Variants in ZNF75A observed in about 807,000 individuals in gnomAD.
ZNF75A encodes the protein zinc finger protein 75A.
In ZNF75A, 36 loss-of-function variants were observed where a neutral mutation model predicts 46.3. The observed-to-expected ratio is 0.78, with a 90% CI of 0.60 to 1.03. The LOEUF (loss-of-function observed/expected upper bound fraction) is 1.03. Among genes scored for constraint, ZNF75A ranks in the 50% least tolerant of loss-of-function variants. The pLI, the probability that ZNF75A is intolerant of heterozygous loss-of-function variation, is 0.00. For missense variants in ZNF75A, 595 were observed against 551.3 expected (o/e 1.08, Z -0.79); for synonymous variants, 234 against 189.9 (o/e 1.23, Z -1.91).
downstream of ZNF75A, among the ~76,000 whole-genome samples, chr16:3,320,296 G>A (rs554324232): frequency 5.3e-5 from 8 of 152,246 alleles, no homozygotes; most frequent in East Asian, 5.8e-4. Flanking sequence ...CACCCGCCTC[G>A]GCCTCCCAAA....
chr16:3,317,467 T>C lies in ZNF75A; in HGVS notation c.1212T>C (p.Cys404=), dbSNP rs1961306392. The change falls in exon 7 of 7, where the codon TGT becomes TGC. Residue 404 remains cysteine, a synonymous_variant. Transcript: ENST00000669516. ...GTGCAAGAGAGAAGCCTTTTAAATG[T>C]CAGGAATGTGGGAAAACCTTCAGAG... ...KDCAREKPFK[C]QECGKTFRVS... The C allele has an allele frequency of 1.9e-6, 3 of 1,613,920 alleles. No homozygotes were observed. The highest frequency in any genetic ancestry group is 2.5e-6 in the Non-Finnish European group (3 of 1,179,974).
chr16:3,308,754 A>G lies in ZNF75A; in HGVS notation c.326A>G (p.Gln109Arg). Reference protein sequence around the residue: ...ILPRETQTQMQKHHPQSIEEA... With the variant: ...ILPRETQTQMRKHHPQSIEEA... ...CCCAGGGAGACACAGACCCAGATGCAGAAGCACCATCCACAGAGCATTGAG... is the reference window on the plus strand; with the variant it reads ...CCCAGGGAGACACAGACCCAGATGCGGAAGCACCATCCACAGAGCATTGAG... Residue 109 changes from glutamine (Q) to arginine (R), a missense_variant, in exon 2 of 7, where the codon CAG (glutamine) becomes CGG (arginine). Gln to Arg is a conservative substitution (Grantham distance 43, BLOSUM62 1). Coordinates refer to ENST00000669516, the MANE Select transcript of ZNF75A (RefSeq NM_001302109.2). 4 of 988,406 alleles carry G rather than the reference A, an allele frequency of 4.0e-6. No homozygotes were observed. The South Asian group carries it at 1.4e-4, about 34-fold the overall frequency. 61.2% of individuals were successfully genotyped at this position (988,406 alleles called of 1,614,324 possible).
chr16:3,320,822 T>C (rs577486016), downstream of ZNF75A, among the ~76,000 whole-genome samples: 61 of 152,250 alleles, frequency 4.0e-4, no homozygotes, highest in African/African-American at 1.4e-3. Flanking sequence ...ACAGATGAGA[T>C]ATAGGGCAAA....
chr16:3,317,427 G>A lies in ZNF75A; in HGVS notation c.1172G>A (p.Arg391His), dbSNP rs774984553. The change falls in exon 7 of 7, where the codon CGT (arginine) becomes CAT (histidine). Residue 391 changes from arginine to histidine, a missense_variant. Arg to His is a conservative substitution (Grantham distance 29). Coordinates refer to ENST00000669516, the MANE Select transcript of ZNF75A (RefSeq NM_001302109.2). ...WKQELLKLMD[R>H]HKKDCAREKP... ...CAAGAGCTGCTCAAACTTATGGATC[G>A]TCACAAGAAAGATTGTGCAAGAGAG... 26 of 1,613,988 alleles carry A rather than the reference G, an allele frequency of 1.6e-5. No individual in the cohort carries two copies. The highest frequency in any genetic ancestry group is 4.5e-5 in the East Asian group (2 of 44,886).
Position 3,318,155 on chromosome 16 carries a change from C to G in ZNF75A, c.*286C>G, listed in dbSNP as rs1322140886. On this transcript the variant is annotated 3_prime_UTR_variant, in exon 7 of 7. Coordinates refer to ENST00000669516, the MANE Select transcript of ZNF75A (RefSeq NM_001302109.2). ...GGTCTTCCAAAACAAAAAGCAGTAA[C>G]ATGCATGTTTAATTGCATACCATTC... The G allele has an allele frequency of 6.9e-6, 8 of 1,153,794 alleles. No homozygotes were observed. The highest frequency in any genetic ancestry group is 8.5e-6 in the Non-Finnish European group (8 of 937,908). The allele number at this position is 1,153,794 out of a possible 1,614,324, so 71.5% of individuals were successfully genotyped here. A position where few individuals can be genotyped will look rare whatever the true frequency, so the allele number is the denominator to read the frequency against.
Position 3,317,616 on chromosome 16 carries a change from G to T in ZNF75A, c.1361G>T (p.Gly454Val), listed in dbSNP as rs1273164012. 2 of 1,614,082 alleles carry T rather than the reference G, an allele frequency of 1.2e-6. No individual in the cohort carries two copies. The highest frequency in any genetic ancestry group is 2.2e-5 in the South Asian group (2 of 91,078). The change falls in exon 7 of 7, where the codon GGA becomes GTA. Residue 454 changes from glycine to valine, a missense_variant. Coordinates refer to ENST00000669516, the MANE Select transcript of ZNF75A (RefSeq NM_001302109.2). ...DLNKHLTTHQ[G>V]IKPYKCSWCG... ...AATAAGCACTTAACAACACACCAAG[G>T]AATAAAACCATATAAATGTTCATGG... is the stretch of plus-strand genomic sequence containing the variant.
intron 2 of ZNF75A, 64 bp from the exon 3 acceptor site, chr16:3,311,689 T>A: frequency 1.1e-6 from 1 of 930,798 alleles, no homozygotes; most frequent in Non-Finnish European, 1.3e-6. Flanking sequence ...CACCTGTCGC[T>A]CTGCCTCCAC....
chr16:3,305,566 G>C lies in ZNF75A; in HGVS notation c.-194G>C, dbSNP rs1473221730. On this transcript the variant is annotated 5_prime_UTR_variant, in exon 1 of 7. Coordinates refer to ENST00000669516, the MANE Select transcript of ZNF75A (RefSeq NM_001302109.2). The stretch of plus-strand genomic sequence containing the variant: ...GGCTGGCGGTTGCGCTCCTCAGATC[G>C]GCGGCCTTTCGGGCGGTGGCTTGCG... 1 of 152,298 alleles carries C rather than the reference G, an allele frequency of 6.6e-6. No individual in the cohort carries two copies. Among genetic ancestry groups the C allele is most frequent in the Non-Finnish European group, 1.5e-5 (1 of 68,096 alleles). The allele number at this position is 152,298 out of a possible 1,614,324, so 9.4% of individuals were successfully genotyped here. A position where few individuals can be genotyped will look rare whatever the true frequency, so the allele number is the denominator to read the frequency against.
rs1034127723 is a variant in ZNF75A, at chr16:3,318,421, C to G, written c.*552C>G. On this transcript the variant is annotated 3_prime_UTR_variant, in exon 7 of 7. Coordinates refer to ENST00000669516, the MANE Select transcript of ZNF75A (RefSeq NM_001302109.2). The stretch of plus-strand genomic sequence containing the variant: ...CACCACTAGGGAATCTCCAGATGAA[C>G]TATTAATGCACTGTCTTATGCCTCT... The G allele has an allele frequency of 2.0e-6, 2 of 986,386 alleles. No homozygotes were observed. The highest frequency in any genetic ancestry group is 2.4e-6 in the Non-Finnish European group (2 of 830,810). 61.1% of individuals were successfully genotyped at this position (986,386 alleles called of 1,614,324 possible). A position where few individuals can be genotyped will look rare whatever the true frequency, so the allele number is the denominator to read the frequency against.
rs369114589 is a variant in ZNF75A, at chr16:3,317,295, T to A, written c.1040T>A (p.Val347Asp). Reference protein sequence around the residue: ...GVISKKAKVKVPQKTAGKENH... With the variant: ...GVISKKAKVKDPQKTAGKENH... The stretch of plus-strand genomic sequence containing the variant: ...ATATCAAAAAAGGCCAAAGTAAAAG[T>A]TCCCCAGAAAACAGCAGGCAAAGAA... The change falls in exon 7 of 7, where the codon GTT becomes GAT. Residue 347 changes from valine (V) to aspartate (D), a missense_variant. Val to Asp is a radical substitution (Grantham distance 152). Transcript: ENST00000669516. The A allele has an allele frequency of 1.3e-5, 21 of 1,613,838 alleles. No individual in the cohort carries two copies. The highest frequency in any genetic ancestry group is 1.8e-5 in the Non-Finnish European group (21 of 1,180,004).
intron 2 of ZNF75A, chr16:3,310,989 T>A (rs1192226153): frequency 1.0e-6 from 1 of 981,764 alleles, no homozygotes; most frequent in African/African-American, 1.7e-5. Context: ...TCTATCCCCA[T>A]TCTCTGAAAA....
Position 3,308,729 on chromosome 16 carries a change from C to T in ZNF75A, c.301C>T (p.Pro101Ser), listed in dbSNP as rs949834034. The part of the protein sequence containing the change: ...LVLEQFLTIL[P>S]RETQTQMQKH... ...GCTGGAGCAGTTCCTGACTATTCTG[C>T]CCAGGGAGACACAGACCCAGATGCA... The change falls in exon 2 of 7, where the codon CCC becomes TCC. Residue 101 changes from proline (P) to serine (S), a missense_variant. Physicochemically the swap from Pro to Ser is moderately conservative, Grantham distance 74. Coordinates refer to ENST00000669516, the MANE Select transcript of ZNF75A (RefSeq NM_001302109.2). 1.0e-6 allele frequency: 1 copy of T among 991,288 alleles called. No homozygotes were observed. The highest frequency in any genetic ancestry group is 1.2e-6 in the Non-Finnish European group (1 of 832,452). 61.4% of individuals were successfully genotyped at this position (991,288 alleles called of 1,614,324 possible).
rs145437458 is a variant in ZNF75A, at chr16:3,310,958, C to T, written c.409-795C>T. On this transcript the variant is annotated intron_variant, in intron 2 of 6. Coordinates refer to ENST00000669516, the MANE Select transcript of ZNF75A (RefSeq NM_001302109.2). ...AGAATCATCTGGAGGTAGGTTGGAGCCACTCCCCTTTTTTCTCCATTCTAT... is the reference window on the plus strand; with the variant it reads ...AGAATCATCTGGAGGTAGGTTGGAGTCACTCCCCTTTTTTCTCCATTCTAT... 3,726 of 985,290 alleles carry T rather than the reference C, an allele frequency of 3.8e-3. 113 individuals are homozygous for T. In the African/African-American group the frequency reaches 0.061, roughly 16 times the overall value. The allele number at this position is 985,290 out of a possible 1,614,324, so 61.0% of individuals were successfully genotyped here.
chr16:3,309,169 C>A (rs957331918), intron 2 of ZNF75A: 3 of 152,164 alleles, frequency 2.0e-5, no homozygotes, highest in African/African-American at 7.3e-5. Context: ...AATAAAGAGT[C>A]AGGGAGGCTG....
In ZNF75A at chr16:3,317,839, C is replaced by A; in HGVS notation, c.1584C>A (p.Ser528Arg). The A allele has an allele frequency of 6.2e-7, 1 of 1,610,766 alleles. No homozygotes were observed. Among genetic ancestry groups the A allele is most frequent in the Non-Finnish European group, 8.5e-7 (1 of 1,178,000 alleles). Reference sequence around the variant, plus strand: ...GGAGAAACTTCAGCAGGCGGTCAAGCCTTCTTAGACACCAGAAACTCCACC... The same window carrying A: ...GGAGAAACTTCAGCAGGCGGTCAAGACTTCTTAGACACCAGAAACTCCACC... ...ICRRNFSRRS[S>R]LLRHQKLHL The change falls in exon 7 of 7, where the codon AGC becomes AGA. Residue 528 changes from serine (S) to arginine (R), a missense_variant. Ser to Arg is a moderately radical substitution (Grantham distance 110). Transcript: ENST00000669516.
intron 5 of ZNF75A, among the ~76,000 whole-genome samples, chr16:3,315,339 C>T (rs1225063683): frequency 1.3e-5 from 2 of 151,880 alleles, no homozygotes; most frequent in Non-Finnish European, 2.9e-5. Context: ...CTACAGGTGC[C>T]CGCCACCATG....
At chr16:3,315,503 C>T (rs1450469325) in intron 5 of ZNF75A, among the ~76,000 whole-genome samples, 1 of 152,050 alleles carries the variant, frequency 6.6e-6, no homozygotes, top group Non-Finnish European at 1.5e-5. Context: ...CTAGTACTGT[C>T]ATCTTTTACC....
At position 3,317,496 on chromosome 16, in the gene ZNF75A, G is replaced by A; in HGVS notation, c.1241G>A (p.Ser414Asn). 1.2e-6 allele frequency: 2 copies of A among 1,614,006 alleles called. No individual in the cohort carries two copies. Among genetic ancestry groups the A allele is most frequent in the South Asian group, 1.1e-5 (1 of 91,044 alleles). The change falls in exon 7 of 7, where the codon AGC becomes AAC. Residue 414 changes from serine to asparagine, a missense_variant. Physicochemically the swap from Ser to Asn is conservative, Grantham distance 46. Coordinates refer to ENST00000669516, the MANE Select transcript of ZNF75A (RefSeq NM_001302109.2). ...CQECGKTFRVSSDLIKHQRIH... is the reference protein window; with the variant it reads ...CQECGKTFRVNSDLIKHQRIH... ...GAATGTGGGAAAACCTTCAGAGTTA[G>A]CTCTGACCTTATTAAGCACCAAAGA...
chr16:3,309,888 C>A (rs973348872), intron 2 of ZNF75A, among the ~76,000 whole-genome samples: 3 of 150,812 alleles, frequency 2.0e-5, no homozygotes, highest in Non-Finnish European at 4.4e-5. Context: ...GGGAGGACTG[C>A]TTGAGACCAG....
Sources: allele counts gnomAD v4.1 joint callset (sites outside exome capture counted in the v4.1 genomes callset), GRCh38; gene constraint gnomAD v4.1.1; transcripts MANE v1.5; gene names NCBI Gene and HGNC (gene_info 2026-07-23, HGNC 2026-07-21).